HNRNPC: variants seen among roughly 807,000 people sequenced by gnomAD.
HNRNPC encodes the protein heterogeneous nuclear ribonucleoproteins C1/C2.
In HNRNPC, 3 loss-of-function variants were observed where a neutral mutation model predicts 33.2. The observed-to-expected ratio is 0.09, with a 90% CI of 0.04 to 0.23. The LOEUF (loss-of-function observed/expected upper bound fraction) is 0.23, where lower values mean the gene tolerates loss of function less well. Among genes scored for constraint, HNRNPC ranks in the 10% least tolerant of loss-of-function variants. The probability of loss-of-function intolerance (pLI) is 1.00; values close to 1 mark genes in which losing one functional copy is unlikely to be tolerated. For missense variants in HNRNPC, 143 were observed against 366.7 expected (o/e 0.39, Z 4.98); for synonymous variants, 121 against 126.7 (o/e 0.96, Z 0.30).
At chr14:21,231,394 T>C in intron 3 of HNRNPC, 1 of 475,260 alleles carries the variant, frequency 2.1e-6, no homozygotes, top group Non-Finnish European at 4.2e-6. Flanking sequence ...TGTCTCACTG[T>C]CATACAAGCT....
Position 21,210,832 on chromosome 14 carries a change from T to C in HNRNPC, c.*391A>G. ...AAGCTGCTTTCAAGAGCTACTCAAC[T>C]AAATGAGATTGCCTTTGCAGTTAGG... On this transcript the variant is annotated 3_prime_UTR_variant, in exon 9 of 9. Transcript: ENST00000553300. The C allele has an allele frequency of 4.9e-6, 1 of 204,568 alleles. No individual in the cohort carries two copies. The highest frequency in any genetic ancestry group is 1.2e-4 in the East Asian group (1 of 8,602). The allele number at this position is 204,568 out of a possible 1,614,324, so 12.7% of individuals were successfully genotyped here. A position where few individuals can be genotyped will look rare whatever the true frequency, so the allele number is the denominator to read the frequency against.
chr14:21,236,704 A>T (rs1894729064), intron 2 of HNRNPC, among the ~76,000 whole-genome samples: 1 of 152,206 alleles, frequency 6.6e-6, no homozygotes, highest in Admixed American at 6.5e-5. Context: ...AAAATTTTAA[A>T]GTATCATACA....
intron 2 of HNRNPC, among the ~76,000 whole-genome samples, chr14:21,241,343 T>C (rs577575029): frequency 7.0e-4 from 106 of 151,930 alleles, no homozygotes; most frequent in South Asian, 6.2e-4. Context: ...ATGCCAATTC[T>C]ATATACTAAA....
Position 21,225,528 on chromosome 14 carries a change from ATGAC to A in HNRNPC, c.365+4787_365+4790del, listed in dbSNP as rs573162323. 1.6e-3 allele frequency among the ~76,000 whole-genome samples: 246 copies of A among 152,216 alleles called. 3 individuals carry two copies. Among genetic ancestry groups the A allele is most frequent in the East Asian group, 5.8e-4 (3 of 5,186 alleles). On this transcript the variant is annotated intron_variant, in intron 5 of 8. Coordinates refer to ENST00000553300, the MANE Select transcript of HNRNPC (RefSeq NM_004500.4). ...ATGAAGGCTAGCAAGATGTCCCACA[ATGAC>A]TGAGAGTTCTTTTAATTCTAAAAGG...
At chr14:21,247,042 G>A (rs1420527855) in intron 2 of HNRNPC, among the ~76,000 whole-genome samples, 2 of 152,174 alleles carry the variant, frequency 1.3e-5, no homozygotes, top group East Asian at 1.9e-4. Flanking sequence ...AAAGTTTTTG[G>A]AGAGTTCAAA....
intron 5 of HNRNPC, among the ~76,000 whole-genome samples, chr14:21,217,360 C>CTA (rs1393524644): frequency 6.6e-6 from 1 of 152,178 alleles, no homozygotes; most frequent in Non-Finnish European, 1.5e-5. Context: ...TACCCGGATA[C>CTA]TATCAACTGC....
At chr14:21,231,182 T>G in intron 3 of HNRNPC, 110 bp from the exon 4 acceptor site, 1 of 1,014,502 alleles carries the variant, frequency 9.9e-7, no homozygotes, top group Non-Finnish European at 1.5e-6. Flanking sequence ...TCGCTCAGGC[T>G]GGAGTGCAGT....
At chr14:21,237,918 T>C (rs1894897444) in intron 2 of HNRNPC, among the ~76,000 whole-genome samples, 1 of 152,150 alleles carries the variant, frequency 6.6e-6, no homozygotes, top group Non-Finnish European at 1.5e-5. Context: ...ATTACAGGCA[T>C]GCGCCACCAG....
intron 2 of HNRNPC, among the ~76,000 whole-genome samples, chr14:21,253,189 A>G (rs1896857333): frequency 6.7e-6 from 1 of 149,046 alleles, no homozygotes; most frequent in South Asian, 2.1e-4. Flanking sequence ...AAAAAAAAAA[A>G]AGACTGGCCA....
rs1377914358 is a variant in HNRNPC at position 21,242,278 on chromosome 14, G to A, written c.-36-8049C>T. ...GGCAGGAAGATCACGAGGTCAAGAG[G>A]TGGAGACCAAACTGGTCAACATAGT... On this transcript the variant is annotated intron_variant, in intron 2 of 8. Coordinates refer to ENST00000553300, the MANE Select transcript of HNRNPC (RefSeq NM_004500.4). Among the ~76,000 whole-genome samples the A allele has an allele frequency of 5.9e-5, 9 of 152,254 alleles. No individual in the cohort carries two copies. The East Asian group carries it at 1.7e-3, about 29-fold the overall frequency.
intron 1 of HNRNPC, among the ~76,000 whole-genome samples, chr14:21,267,095 C>CAAAAAAAAA (rs56203257): frequency 3.3e-4 from 34 of 104,104 alleles, no homozygotes; most frequent in Admixed American, 7.1e-4. Flanking sequence ...GACTCCGTCT[C>CAAAAAAAAA]AAAAAAAAAA....
At chr14:21,238,607 A>G (rs574912325) in intron 2 of HNRNPC, among the ~76,000 whole-genome samples, 44 of 152,182 alleles carry the variant, frequency 2.9e-4, no homozygotes, top group Non-Finnish European at 4.3e-4. Flanking sequence ...CACATTAGTA[A>G]TAATAGTCCA....
In HNRNPC at chr14:21,212,052, T is replaced by C. The variant is rs983765218; in HGVS notation, c.524-129A>G. The stretch of plus-strand genomic sequence containing the variant: ...AGGGAGAAACAGAGCCAGTACAGAT[T>C]TCTCGGTAATAAAGGCCCTTGGTTC... On this transcript the variant is annotated intron_variant, in intron 6 of 8. Coordinates refer to ENST00000553300, the MANE Select transcript of HNRNPC (RefSeq NM_004500.4). The C allele has an allele frequency of 8.6e-6, 6 of 699,030 alleles. No homozygotes were observed. In the South Asian group the frequency reaches 1.1e-4, roughly 13 times the overall value. The allele number at this position is 699,030 out of a possible 1,614,324, so 43.3% of individuals were successfully genotyped here. A position where few individuals can be genotyped will look rare whatever the true frequency, so the allele number is the denominator to read the frequency against.
At chr14:21,245,605 G>A (rs1895895811) in intron 2 of HNRNPC, among the ~76,000 whole-genome samples, 1 of 152,124 alleles carries the variant, frequency 6.6e-6, no homozygotes, top group South Asian at 2.1e-4. Context: ...AGTGAGTGGT[G>A]GGTTTGAAGC....
chr14:21,247,628 T>C (rs1175583976), intron 2 of HNRNPC, among the ~76,000 whole-genome samples: 1 of 151,998 alleles, frequency 6.6e-6, no homozygotes, highest in Non-Finnish European at 1.5e-5. Flanking sequence ...TACTTCCAAA[T>C]TGAAGTAAAC....
chr14:21,251,673 G>A (rs929313343), intron 2 of HNRNPC, among the ~76,000 whole-genome samples: 3 of 151,340 alleles, frequency 2.0e-5, no homozygotes, highest in Non-Finnish European at 2.9e-5. Context: ...CAGAGACTCC[G>A]TCTCAAAAAA....
intron 5 of HNRNPC, among the ~76,000 whole-genome samples, chr14:21,228,373 G>C (rs913024235): frequency 6.6e-6 from 1 of 152,070 alleles, no homozygotes; most frequent in African/African-American, 2.4e-5. Flanking sequence ...TTTTCAACTG[G>C]AAGTTCTCCA....
At chr14:21,263,961 A>T (rs1878581452) in intron 1 of HNRNPC, 1 of 152,208 alleles carries the variant, frequency 6.6e-6, no homozygotes, top group South Asian at 2.1e-4. Context: ...CTGGGATGGG[A>T]TAGCCTCCAT....
intron 5 of HNRNPC, among the ~76,000 whole-genome samples, chr14:21,216,735 A>G (rs982190969): frequency 1.3e-5 from 2 of 152,192 alleles, no homozygotes; most frequent in African/African-American, 2.4e-5. Context: ...GAACCAAAGG[A>G]GCAGTTTTTT....
Sources: allele counts gnomAD v4.1 joint callset (sites outside exome capture counted in the v4.1 genomes callset), GRCh38; gene constraint gnomAD v4.1.1; transcripts MANE v1.5; gene names NCBI Gene and HGNC (gene_info 2026-07-23, HGNC 2026-07-21).